The following CHST5 variants were observed in gnomAD, a reference collection of about 807,000 sequenced individuals.
The protein encoded by CHST5 is carbohydrate sulfotransferase 5.
For missense variants in CHST5, 637 were observed against 602.1 expected, an observed-to-expected ratio of 1.06 and a Z score of -0.61; for synonymous variants, 313 against 279.2, an observed-to-expected ratio of 1.12 and a Z score of -1.21.
chr16:75,533,428 C>T (rs562294531), intron 2 of CHST5, among the ~76,000 whole-genome samples: 154 of 152,206 alleles, frequency 1.0e-3, no homozygotes, highest in African/African-American at 3.6e-3. Flanking sequence ...GCCAGACTCC[C>T]AGTGCAGGGC....
In CHST5 at chr16:75,530,139, G is replaced by A. The variant is rs1339266651; in HGVS notation, c.246C>T (p.Phe82=). 1 of 1,613,602 alleles carries A rather than the reference G, an allele frequency of 6.2e-7. No homozygotes were observed. The change falls in exon 4 of 4, where the codon TTC becomes TTT. Residue 82 remains phenylalanine (F), a synonymous_variant. Transcript: ENST00000336257. The stretch of plus-strand genomic sequence containing the variant: ...GGTAGAAGACGTCGGGGTGCTGGCT[G>A]AAGAGCTGGCCCAAGAAGGATGAGC... ...RSGSSFLGQL[F]SQHPDVFYLM... is the part of the protein sequence containing the mutation.
At position 75,533,122 on chromosome 16, in the gene CHST5, G is replaced by C; in HGVS notation, c.-1290C>G. ...CAGGAAAGCCAGAGGTCTTCTTAAGGTGGTTGAATCACTCTATGCCACACA... is the reference window on the plus strand; with the variant it reads ...CAGGAAAGCCAGAGGTCTTCTTAAGCTGGTTGAATCACTCTATGCCACACA... On this transcript the variant is annotated 5_prime_UTR_variant, in exon 3 of 4. Coordinates refer to ENST00000336257, the MANE Select transcript of CHST5 (RefSeq NM_024533.5). 1.4e-6 allele frequency: 1 copy of C among 702,336 alleles called. No individual in the cohort carries two copies. Among genetic ancestry groups the C allele is most frequent in the Non-Finnish European group, 2.6e-6 (1 of 384,816 alleles). The allele number at this position is 702,336 out of a possible 1,614,324, so 43.5% of individuals were successfully genotyped here.
rs760269049 is a variant in CHST5 at position 75,530,204 on chromosome 16, C to T, written c.181G>A (p.Asp61Asn). 1.2e-6 allele frequency: 2 copies of T among 1,613,676 alleles called. No homozygotes were observed. The highest frequency in any genetic ancestry group is 1.7e-6 in the Non-Finnish European group (2 of 1,179,982). ...GACAGCACCAGCACGTGCACACGAT[C>T]CTCGCCGCCGGCTGGGGATGAGGGC... The part of the protein sequence containing the change: ...PGPSSPAGGE[D>N]RVHVLVLSSW... Residue 61 changes from aspartate (D) to asparagine (N), a missense_variant, in exon 4 of 4, where the codon GAT becomes AAT. Coordinates refer to ENST00000336257, the MANE Select transcript of CHST5 (RefSeq NM_024533.5).
Position 75,529,775 on chromosome 16 carries a change from G to T in CHST5, c.610C>A (p.Gln204Lys), listed in dbSNP as rs770424913. 1 of 1,613,724 alleles carries T rather than the reference G, an allele frequency of 6.2e-7. No individual in the cohort carries two copies. The highest frequency in any genetic ancestry group is 1.1e-5 in the South Asian group (1 of 91,086). ...VLKEVRFFNL[Q>K]VLYPLLSDPA... is the part of the protein sequence containing the mutation. The stretch of plus-strand genomic sequence containing the variant: ...TCGCTGAGCAGCGGGTAGAGCACCT[G>T]CAGGTTGAAGAAGCGCACCTCCTTG... Residue 204 changes from glutamine (Q) to lysine (K), a missense_variant, in exon 4 of 4, where the codon CAG (glutamine) becomes AAG (lysine). Coordinates refer to ENST00000336257, the MANE Select transcript of CHST5 (RefSeq NM_024533.5).
In CHST5 at chr16:75,530,941, G is replaced by A; in HGVS notation, c.-557C>T. The stretch of plus-strand genomic sequence containing the variant: ...GGTTATTATAATGAAGATGGGGGAA[G>A]GGAACACGCAGTCATGCCCATAACT... On this transcript the variant is annotated 5_prime_UTR_variant, in exon 4 of 4. Coordinates refer to ENST00000336257, the MANE Select transcript of CHST5 (RefSeq NM_024533.5). 1.0e-6 allele frequency: 1 copy of A among 1,003,754 alleles called. No individual in the cohort carries two copies. The highest frequency in any genetic ancestry group is 4.6e-5 in the South Asian group (1 of 21,514). 62.2% of individuals were successfully genotyped at this position (1,003,754 alleles called of 1,614,324 possible). A position where few individuals can be genotyped will look rare whatever the true frequency, so the allele number is the denominator to read the frequency against.
At position 75,530,916 on chromosome 16, in the gene CHST5, G is replaced by A. The variant is rs1044666629; in HGVS notation, c.-532C>T. ...CTCACAGGATCTGGGGGGATTGGGG[G>A]GTTATTATAATGAAGATGGGGGAAG... On this transcript the variant is annotated 5_prime_UTR_variant, in exon 4 of 4. Transcript: ENST00000336257. 1 of 1,002,546 alleles carries A rather than the reference G, an allele frequency of 1.0e-6. No individual in the cohort carries two copies. Among genetic ancestry groups the A allele is most frequent in the Non-Finnish European group, 1.2e-6 (1 of 831,998 alleles). 62.1% of individuals were successfully genotyped at this position (1,002,546 alleles called of 1,614,324 possible).
At position 75,529,744 on chromosome 16, in the gene CHST5, G is replaced by A. The variant is rs2080497761; in HGVS notation, c.641C>T (p.Ala214Val). The A allele has an allele frequency of 6.2e-7, 1 of 1,613,252 alleles. No homozygotes were observed. Among genetic ancestry groups the A allele is most frequent in the East Asian group, 2.2e-5 (1 of 44,846 alleles). Residue 214 changes from alanine to valine, a missense_variant, in exon 4 of 4, where the codon GCG becomes GTG. Physicochemically the swap from Ala to Val is moderately conservative, Grantham distance 64. Transcript: ENST00000336257. ...CAGGTGCACGATGCGCAGGTTGAGC[G>A]CGGGGTCGCTGAGCAGCGGGTAGAG... ...QVLYPLLSDP[A>V]LNLRIVHLVR...
At position 75,530,646 on chromosome 16, in the gene CHST5, C is replaced by A. The variant is rs778311351; in HGVS notation, c.-262G>T. On this transcript the variant is annotated 5_prime_UTR_variant, in exon 4 of 4. Coordinates refer to ENST00000336257, the MANE Select transcript of CHST5 (RefSeq NM_024533.5). ...GGCTATCTATCTGTAGAGAGAAATA[C>A]TATGTTTCAAAGAGAACTCCTGTCT... is the stretch of plus-strand genomic sequence containing the variant. 1 of 1,337,686 alleles carries A rather than the reference C, an allele frequency of 7.5e-7. No homozygotes were observed. The highest frequency in any genetic ancestry group is 9.6e-7 in the Non-Finnish European group (1 of 1,039,436). 82.9% of individuals were successfully genotyped at this position (1,337,686 alleles called of 1,614,324 possible).
At position 75,533,710 on chromosome 16, in the gene CHST5, C is replaced by T. The variant is rs556024942; in HGVS notation, c.-1351-527G>A. ...AAAATGCAATTCTTGACTGCCTTGC[C>T]TCTGTGTAAAAGGAGAGAGAAAGGA... is the stretch of plus-strand genomic sequence containing the variant. On this transcript the variant is annotated intron_variant, in intron 2 of 3. Coordinates refer to ENST00000336257, the MANE Select transcript of CHST5 (RefSeq NM_024533.5). Among the ~76,000 whole-genome samples the T allele has an allele frequency of 9.2e-5, 14 of 152,218 alleles. No homozygotes were observed. In the South Asian group the frequency reaches 2.3e-3, roughly 25 times the overall value.
chr16:75,531,387 G>GACA lies in CHST5; in HGVS notation c.-1006_-1004dup. The GACA allele has an allele frequency of 9.1e-7, 1 of 1,097,640 alleles. No homozygotes were observed. The highest frequency in any genetic ancestry group is 2.5e-5 in the South Asian group (1 of 40,638). 68.0% of individuals were successfully genotyped at this position (1,097,640 alleles called of 1,614,324 possible). On this transcript the variant is annotated 5_prime_UTR_variant, in exon 4 of 4. Coordinates refer to ENST00000336257, the MANE Select transcript of CHST5 (RefSeq NM_024533.5). ...TAAAGATAAACAAGTAAATAAAGTG[G>GACA]ACAAAGAACAGCAACTGTTGTCATC...
chr16:75,533,092 T>A lies in CHST5; in HGVS notation c.-1260A>T, dbSNP rs1799018705. Reference sequence around the variant, plus strand: ...CCCAAGCTAAGGTGTTTGTTACCTGTGTTCCAGGAAAGCCAGAGGTCTTCT... The same window carrying A: ...CCCAAGCTAAGGTGTTTGTTACCTGAGTTCCAGGAAAGCCAGAGGTCTTCT... On this transcript the variant is annotated 5_prime_UTR_variant, in exon 3 of 4. Transcript: ENST00000336257. 2.9e-6 allele frequency: 2 copies of A among 701,678 alleles called. No homozygotes were observed. Among genetic ancestry groups the A allele is most frequent in the Non-Finnish European group, 5.2e-6 (2 of 384,426 alleles). 43.5% of individuals were successfully genotyped at this position (701,678 alleles called of 1,614,324 possible).
Position 75,530,723 on chromosome 16 carries a change from G to A in CHST5, c.-339C>T. On this transcript the variant is annotated 5_prime_UTR_variant, in exon 4 of 4. Transcript: ENST00000336257. ...ACCCTTTTAGGTTGTGGAGCTAAAA[G>A]GGCTTGATGGGGGCTTCGGTGGATG... is the stretch of plus-strand genomic sequence containing the variant. 1 of 1,087,190 alleles carries A rather than the reference G, an allele frequency of 9.2e-7. No individual in the cohort carries two copies. The highest frequency in any genetic ancestry group is 4.7e-5 in the Admixed American group (1 of 21,316). The allele number at this position is 1,087,190 out of a possible 1,614,324, so 67.3% of individuals were successfully genotyped here.
At chr16:75,535,647 T>C (rs1163855785) in intron 1 of CHST5, among the ~76,000 whole-genome samples, 1 of 151,978 alleles carries the variant, frequency 6.6e-6, no homozygotes, top group Non-Finnish European at 1.5e-5. Flanking sequence ...GCCAGGGAAA[T>C]GGGAGAAGGA....
At chr16:75,532,416 G>A (rs1240126133) in intron 3 of CHST5, among the ~76,000 whole-genome samples, 2 of 152,206 alleles carry the variant, frequency 1.3e-5, no homozygotes, top group African/African-American at 4.8e-5. Flanking sequence ...TTGGAAGGGA[G>A]GAGCCTGGAA....
In CHST5 at chr16:75,529,177, T is replaced by C. The variant is rs1323929527; in HGVS notation, c.1208A>G (p.Asp403Gly). 5.0e-6 allele frequency: 8 copies of C among 1,599,826 alleles called. No individual in the cohort carries two copies. Among genetic ancestry groups the C allele is most frequent in the Non-Finnish European group, 6.8e-6 (8 of 1,171,610 alleles). Residue 403 changes from aspartate (D) to glycine (G), a missense_variant, in exon 4 of 4, where the codon GAC (aspartate) becomes GGC (glycine). Transcript: ENST00000336257. Reference protein sequence around the residue: ...TLDLVLPRGPDHFSWASPD With the variant: ...TLDLVLPRGPGHFSWASPD ...GTCAGGCGATGCCCAGCTGAAGTGG[T>C]CTGGGCCTCGTGGCAGCACCAGATC...
In CHST5 at chr16:75,529,047, T is replaced by C; in HGVS notation, c.*102A>G. The C allele has an allele frequency of 1.5e-6, 2 of 1,295,392 alleles. No individual in the cohort carries two copies. The highest frequency in any genetic ancestry group is 2.1e-6 in the Non-Finnish European group (2 of 961,146). The allele number at this position is 1,295,392 out of a possible 1,614,324, so 80.2% of individuals were successfully genotyped here. A position where few individuals can be genotyped will look rare whatever the true frequency, so the allele number is the denominator to read the frequency against. ...AGGACCCCAAACTCCCGGTTGATAG[T>C]AGGGACCTGCTTCCCCATGCGCCCC... is the stretch of plus-strand genomic sequence containing the variant. On this transcript the variant is annotated 3_prime_UTR_variant, in exon 4 of 4. Coordinates refer to ENST00000336257, the MANE Select transcript of CHST5 (RefSeq NM_024533.5).
In CHST5 at chr16:75,529,018, G is replaced by C; in HGVS notation, c.*131C>G. ...AAACGTGCAGTCCTTGCCTACTTCA[G>C]GGGAGGACCCCAAACTCCCGGTTGA... On this transcript the variant is annotated 3_prime_UTR_variant, in exon 4 of 4. Coordinates refer to ENST00000336257, the MANE Select transcript of CHST5 (RefSeq NM_024533.5). 1.0e-6 allele frequency: 1 copy of C among 989,548 alleles called. No homozygotes were observed. The highest frequency in any genetic ancestry group is 1.8e-5 in the South Asian group (1 of 56,826). 61.3% of individuals were successfully genotyped at this position (989,548 alleles called of 1,614,324 possible). A position where few individuals can be genotyped will look rare whatever the true frequency, so the allele number is the denominator to read the frequency against.
chr16:75,530,735 G>A lies in CHST5; in HGVS notation c.-351C>T, dbSNP rs376829948. ...TGTGGAGCTAAAAGGGCTTGATGGG[G>A]GCTTCGGTGGATGTCAGAGCACCAC... On this transcript the variant is annotated 5_prime_UTR_variant, in exon 4 of 4. Transcript: ENST00000336257. 2.8e-6 allele frequency: 3 copies of A among 1,069,856 alleles called. No individual in the cohort carries two copies. The highest frequency in any genetic ancestry group is 7.2e-5 in the East Asian group (1 of 13,838). 66.3% of individuals were successfully genotyped at this position (1,069,856 alleles called of 1,614,324 possible). A position where few individuals can be genotyped will look rare whatever the true frequency, so the allele number is the denominator to read the frequency against.
Position 75,528,979 on chromosome 16 carries a change from A to G in CHST5, c.*170T>C. On this transcript the variant is annotated 3_prime_UTR_variant, in exon 4 of 4. Coordinates refer to ENST00000336257, the MANE Select transcript of CHST5 (RefSeq NM_024533.5). ...CAGAAGACTCAAAGGAAAACCGAGA[A>G]TCAGGAGAGAAAGAAACGTGCAGTC... The G allele has an allele frequency of 1.5e-6, 1 of 663,844 alleles. No individual in the cohort carries two copies. The allele number at this position is 663,844 out of a possible 1,614,324, so 41.1% of individuals were successfully genotyped here.
Sources: allele counts gnomAD v4.1 joint callset (sites outside exome capture counted in the v4.1 genomes callset), GRCh38; gene constraint gnomAD v4.1.1; transcripts MANE v1.5; gene names NCBI Gene and HGNC (gene_info 2026-07-23, HGNC 2026-07-21).